Variants in WDR81 observed in about 807,000 individuals in gnomAD.
The protein encoded by WDR81 is WD repeat-containing protein 81.
Under a neutral mutation model 140.8 loss-of-function variants are expected in WDR81, and 92 were observed. That is an observed-to-expected ratio of 0.65 (90% CI 0.55 to 0.78). The LOEUF (loss-of-function observed/expected upper bound fraction) is 0.78. Among genes scored for constraint, WDR81 ranks in the 30% least tolerant of loss-of-function variants. The pLI is 0.00. For synonymous variants in WDR81, 1,183 were observed against 1,156.4 expected (o/e 1.02, Z -0.47); for missense variants, 2,502 against 2,636.4 (o/e 0.95, Z 1.12).
rs758831864 is a variant in WDR81, at chr17:1,725,706, C to T, written c.747C>T (p.Ser249=). ...CCCTACATGACGTGGTCACCTTCAG[C>T]CCTGCCAAGCTGACCAACAGCCAGG... ...QFSLHDVVTF[S]PAKLTNSQAK... The change falls in exon 1 of 10, where the codon AGC becomes AGT. Residue 249 remains serine, a synonymous_variant. Transcript: ENST00000409644. 14 of 1,549,914 alleles carry T rather than the reference C, an allele frequency of 9.0e-6. No individual in the cohort carries two copies. The Admixed American group carries it at 2.0e-4, about 22-fold the overall frequency.
At chr17:1,731,296 C>T (rs770900688) in intron 4 of WDR81, 38 bp downstream of exon 4, 3 of 1,595,500 alleles carry the variant, frequency 1.9e-6, no homozygotes, top group South Asian at 2.3e-5. Flanking sequence ...GGGACCGGCC[C>T]AGCGGAGGGG....
upstream of WDR81, chr17:1,724,610 C>T (rs1159345722): frequency 2.5e-5 from 6 of 239,736 alleles, no homozygotes; most frequent in South Asian, 8.6e-4. Context: ...GGAGGGAGGG[C>T]GGGGAGGCCG....
upstream of WDR81, among the ~76,000 whole-genome samples, chr17:1,722,088 A>G (rs1038312568): frequency 6.6e-6 from 1 of 151,854 alleles, no homozygotes; most frequent in African/African-American, 2.4e-5. Flanking sequence ...GCGCCATTGC[A>G]CTCCAGCCTG....
upstream of WDR81, among the ~76,000 whole-genome samples, chr17:1,724,380 G>T (rs185317151): frequency 2.5e-3 from 386 of 152,236 alleles, 1 homozygote; most frequent in African/African-American, 8.2e-3. Context: ...AGACACAACA[G>T]AAGTCCCAGT....
Position 1,737,673 on chromosome 17 carries a change from C to A in WDR81, c.5814C>A (p.Arg1938=). 6.2e-7 allele frequency: 1 copy of A among 1,609,568 alleles called. No individual in the cohort carries two copies. The part of the protein sequence containing the change: ...LLLGSDNGVI[R]LLA ...TGGGCTCAGACAACGGGGTTATCCGCCTCCTGGCATAGACTGAGGCAGGAG... is the reference window on the plus strand; with the variant it reads ...TGGGCTCAGACAACGGGGTTATCCGACTCCTGGCATAGACTGAGGCAGGAG... Residue 1938 remains arginine (R), a synonymous_variant, in exon 10 of 10, where the codon CGC becomes CGA. Transcript: ENST00000409644.
chr17:1,731,019 C>T, intron 3 of WDR81, 49 bp from the exon 4 acceptor site: 2 of 1,604,988 alleles, frequency 1.2e-6, no homozygotes, highest in Non-Finnish European at 1.7e-6. Context: ...TCTCTTGGTG[C>T]CAGGGGGTCT....
In WDR81 at chr17:1,726,665, T is replaced by C; in HGVS notation, c.1706T>C (p.Val569Ala). The C allele has an allele frequency of 6.5e-7, 1 of 1,550,170 alleles. No homozygotes were observed. The highest frequency in any genetic ancestry group is 8.7e-7 in the Non-Finnish European group (1 of 1,146,986). Residue 569 changes from valine to alanine, a missense_variant, in exon 1 of 10, where the codon GTG becomes GCG. Physicochemically the swap from Val to Ala is moderately conservative, Grantham distance 64. Transcript: ENST00000409644. ...VKEKNVCLHL[V>A]DAHTHLASYG... ...GAAAAGAATGTGTGTCTGCACCTGGTGGACGCCCACACTCACCTGGCCAGC... is the reference window on the plus strand; with the variant it reads ...GAAAAGAATGTGTGTCTGCACCTGGCGGACGCCCACACTCACCTGGCCAGC...
At chr17:1,719,738 C>A (rs1914766753), upstream of WDR81, among the ~76,000 whole-genome samples, 1 of 150,778 alleles carries the variant, frequency 6.6e-6, no homozygotes, top group African/African-American at 2.4e-5. Flanking sequence ...CGAGGTGGCT[C>A]ACACCTGTAA....
rs1915215178 is a variant in WDR81 at position 1,725,940 on chromosome 17, G to A, written c.981G>A (p.Val327=). 1.9e-6 allele frequency: 3 copies of A among 1,550,662 alleles called. No individual in the cohort carries two copies. The highest frequency in any genetic ancestry group is 1.4e-5 in the African/African-American group (1 of 73,064). The part of the protein sequence containing the change: ...APVARDEAGI[V]SQEEQGGQPG... ...TGGCAAGGGATGAGGCGGGCATTGT[G>A]TCTCAAGAGGAGCAGGGAGGGCAAC... The change falls in exon 1 of 10, where the codon GTG becomes GTA. Residue 327 remains valine, a synonymous_variant. Transcript: ENST00000409644.
rs1004425056 is a variant in WDR81, at chr17:1,724,789, A to G, written c.-171A>G. ...CGGAGCGCAGGACCCGCGGAGGGGT[A>G]AGCGCGCCCCCCGTCCGCCTCTTCG... On this transcript the variant is annotated 5_prime_UTR_variant, in exon 1 of 10. Coordinates refer to ENST00000409644, the MANE Select transcript of WDR81 (RefSeq NM_001163809.2). 4 of 1,176,460 alleles carry G rather than the reference A, an allele frequency of 3.4e-6. No homozygotes were observed. The highest frequency in any genetic ancestry group is 3.2e-5 in the African/African-American group (2 of 62,342). 72.9% of individuals were successfully genotyped at this position (1,176,460 alleles called of 1,614,324 possible).
chr17:1,728,165 C>T lies in WDR81; in HGVS notation c.3206C>T (p.Ser1069Phe), dbSNP rs1486558396. ...GGCCTGGGGCTCCCAGACTACACGT[C>T]TGGCGTCAGCTTCCACGACCAGGCT... is the stretch of plus-strand genomic sequence containing the variant. Reference protein sequence around the residue: ...SSGLGLPDYTSGVSFHDQADL... With the variant: ...SSGLGLPDYTFGVSFHDQADL... Residue 1069 changes from serine to phenylalanine, a missense_variant, in exon 1 of 10, where the codon TCT becomes TTT. Coordinates refer to ENST00000409644, the MANE Select transcript of WDR81 (RefSeq NM_001163809.2). 1.9e-6 allele frequency: 3 copies of T among 1,605,886 alleles called. No individual in the cohort carries two copies. Among genetic ancestry groups the T allele is most frequent in the African/African-American group, 1.3e-5 (1 of 74,874 alleles).
rs760861728 is a variant in WDR81, at chr17:1,737,480, C to A, written c.5621C>A (p.Thr1874Asn). ...AAGTCAGCATCCGACCCCATCCACA[C>A]CTTTGACCTGTACGGCAGCGAGGTG... ...HYKSASDPIH[T>N]FDLYGSEVVT... Residue 1874 changes from threonine to asparagine, a missense_variant, in exon 10 of 10, where the codon ACC becomes AAC. Coordinates refer to ENST00000409644, the MANE Select transcript of WDR81 (RefSeq NM_001163809.2). 6 of 1,613,276 alleles carry A rather than the reference C, an allele frequency of 3.7e-6. No individual in the cohort carries two copies. Among genetic ancestry groups the A allele is most frequent in the Non-Finnish European group, 4.2e-6 (5 of 1,179,998 alleles).
Position 1,735,476 on chromosome 17 carries a change from G to T in WDR81, c.5180-96G>T. The stretch of plus-strand genomic sequence containing the variant: ...CATTTTCTAAGGATCCCTGGGGGAC[G>T]GGAGGCAGGTGTGCGGTGAGTTGGG... On this transcript the variant is annotated intron_variant, in intron 7 of 9. Transcript: ENST00000409644. The surrounding 1 kb of genome is among the most constrained non-coding windows in gnomAD (Gnocchi z 4.2). The T allele has an allele frequency of 8.0e-7, 1 of 1,242,726 alleles. No homozygotes were observed. Among genetic ancestry groups the T allele is most frequent in the Non-Finnish European group, 1.1e-6 (1 of 921,098 alleles). The allele number at this position is 1,242,726 out of a possible 1,614,324, so 77.0% of individuals were successfully genotyped here.
rs575476922 is a variant in WDR81 at position 1,724,716 on chromosome 17, A to G, written c.-244A>G. The G allele has an allele frequency of 5.3e-3, 5,746 of 1,092,982 alleles. 21 individuals carry two copies. The highest frequency in any genetic ancestry group is 6.0e-3 in the Non-Finnish European group (5,447 of 900,592). 67.7% of individuals were successfully genotyped at this position (1,092,982 alleles called of 1,614,324 possible). A position where few individuals can be genotyped will look rare whatever the true frequency, so the allele number is the denominator to read the frequency against. On this transcript the variant is annotated 5_prime_UTR_variant, in exon 1 of 10. Coordinates refer to ENST00000409644, the MANE Select transcript of WDR81 (RefSeq NM_001163809.2). ...CGTGACCCGCGTCAGCTGACCCGTC[A>G]CGGTGGAGCCCGGTGCTCGCGCCCG... is the stretch of plus-strand genomic sequence containing the variant.
Position 1,737,291 on chromosome 17 carries a change from C to A in WDR81, c.5506-74C>A, listed in dbSNP as rs1904952647. ...CCCTGGAGAGAAACTGCGGAGGGAA[C>A]TGGGAAGGCCTTGGGGCCCAAGGGT... On this transcript the variant is annotated intron_variant, in intron 9 of 9. Coordinates refer to ENST00000409644, the MANE Select transcript of WDR81 (RefSeq NM_001163809.2). The A allele has an allele frequency of 2.8e-6, 4 of 1,441,386 alleles. 1 individual carries two copies. The highest frequency in any genetic ancestry group is 3.7e-6 in the Non-Finnish European group (4 of 1,083,062). The allele number at this position is 1,441,386 out of a possible 1,614,324, so 89.3% of individuals were successfully genotyped here. A position where few individuals can be genotyped will look rare whatever the true frequency, so the allele number is the denominator to read the frequency against.
intron 7 of WDR81, 69 bp downstream of exon 7, chr17:1,734,285 C>A (rs1328174031): frequency 1.4e-5 from 20 of 1,451,626 alleles, no homozygotes; most frequent in Middle Eastern, 2.1e-4. Flanking sequence ...AGGAAGGGGG[C>A]CCGAGGGTGG....
In WDR81 at chr17:1,728,005, G is replaced by C; in HGVS notation, c.3046G>C (p.Glu1016Gln). ...PHVLQVLAGA[E>Q]ASQEESKDLA... ...TGTCCTGCAGGTGCTGGCGGGCGCA[G>C]AGGCCTCCCAGGAGGAGAGCAAGGA... is the stretch of plus-strand genomic sequence containing the variant. Residue 1016 changes from glutamate (E) to glutamine (Q), a missense_variant, in exon 1 of 10, where the codon GAG becomes CAG. Physicochemically the swap from Glu to Gln is conservative, Grantham distance 29 (BLOSUM62 2). Around this residue, in one of 3 missense-constraint regions of WDR81, gnomAD observed 1,737 missense variants for 1,843.0 expected, o/e 0.94. Transcript: ENST00000409644. The C allele has an allele frequency of 6.4e-7, 1 of 1,551,546 alleles. No homozygotes were observed. The highest frequency in any genetic ancestry group is 1.2e-5 in the South Asian group (1 of 84,308).
Position 1,728,314 on chromosome 17 carries a change from C to T in WDR81, c.3355C>T (p.Leu1119=). The T allele has an allele frequency of 2.5e-6, 4 of 1,612,860 alleles. No individual in the cohort carries two copies. Among genetic ancestry groups the T allele is most frequent in the Non-Finnish European group, 3.4e-6 (4 of 1,180,004 alleles). ...SDKSSTSETS[L]GEERAPDEGG... ...CAAGAGCAGCACCAGCGAGACCTCCCTGGGTGAGGAGCGGGCTCCAGACGA... is the reference window on the plus strand; with the variant it reads ...CAAGAGCAGCACCAGCGAGACCTCCTTGGGTGAGGAGCGGGCTCCAGACGA... Residue 1119 remains leucine (L), a synonymous_variant, in exon 1 of 10, where the codon CTG becomes TTG. Transcript: ENST00000409644.
chr17:1,728,266 G>T lies in WDR81; in HGVS notation c.3307G>T (p.Val1103Leu), dbSNP rs1270519906. 2 of 1,612,348 alleles carry T rather than the reference G, an allele frequency of 1.2e-6. No individual in the cohort carries two copies. The highest frequency in any genetic ancestry group is 1.7e-6 in the Non-Finnish European group (2 of 1,179,756). ...ESPQPQEAEAVSLGRLSDKSS... is the reference protein window; with the variant it reads ...ESPQPQEAEALSLGRLSDKSS... Reference sequence around the variant, plus strand: ...TCCCCAGCCCCAGGAGGCTGAGGCTGTGAGCCTGGGCCGGCTGAGTGACAA... The same window carrying T: ...TCCCCAGCCCCAGGAGGCTGAGGCTTTGAGCCTGGGCCGGCTGAGTGACAA... The change falls in exon 1 of 10, where the codon GTG becomes TTG. Residue 1103 changes from valine (V) to leucine (L), a missense_variant. By Grantham distance (32) the Val-to-Leu change is conservative. Coordinates refer to ENST00000409644, the MANE Select transcript of WDR81 (RefSeq NM_001163809.2).
Sources: gnomAD v4.1 joint callset for allele counts (sites outside exome capture counted in the v4.1 genomes callset) on GRCh38, gnomAD v4.1.1 for gene constraint, gnomAD v4.1.1 regional missense constraint, Gnocchi (gnomAD v3.1) non-coding constraint, MANE v1.5 for transcripts, NCBI Gene and HGNC (gene_info 2026-07-23, HGNC 2026-07-21) for gene names.